TBC1D14: variants seen among roughly 807,000 people sequenced by gnomAD.
The protein encoded by TBC1D14 is TBC1 domain family, member 14.
TBC1D14 carries 26 observed loss-of-function variants against 79.0 expected under a neutral mutation model. That is an observed-to-expected ratio of 0.33 (90% CI 0.24 to 0.46). The LOEUF (loss-of-function observed/expected upper bound fraction) is 0.46. Among genes scored for constraint, TBC1D14 ranks in the 20% least tolerant of loss-of-function variants. TBC1D14 has a pLI of 1.00. For missense variants in TBC1D14, 769 were observed against 887.6 expected, an observed-to-expected ratio of 0.87 and a Z score of 1.70; for synonymous variants, 394 against 349.9, an observed-to-expected ratio of 1.13 and a Z score of -1.40.
At chr4:6,989,904 G>A (rs1025413428) in intron 3 of TBC1D14, among the ~76,000 whole-genome samples, 1 of 152,148 alleles carries the variant, frequency 6.6e-6, no homozygotes, top group African/African-American at 2.4e-5. Context: ...CTTTCCCAGC[G>A]TGATTCCTTA....
chr4:6,923,194 T>A (rs1476458808), intron 1 of TBC1D14, among the ~76,000 whole-genome samples, 179 bp from the exon 2 acceptor site: 4 of 152,128 alleles, frequency 2.6e-5, no homozygotes, highest in Admixed American at 2.0e-4. Flanking sequence ...AGAGCGAGAG[T>A]CTGTGTCAAA....
In TBC1D14 at chr4:6,923,915, G is replaced by A; in HGVS notation, c.526G>A (p.Asp176Asn). 6.2e-7 allele frequency: 1 copy of A among 1,614,184 alleles called. No individual in the cohort carries two copies. Among genetic ancestry groups the A allele is most frequent in the East Asian group, 2.2e-5 (1 of 44,892 alleles). ...LSTTLSVSNE[D>N]ILDLVVTSSS... ...CACCACGCTGTCCGTCAGCAATGAGGACATCTTGGACCTTGTGGTCACGAG... is the reference window on the plus strand; with the variant it reads ...CACCACGCTGTCCGTCAGCAATGAGAACATCTTGGACCTTGTGGTCACGAG... Residue 176 changes from aspartate to asparagine, a missense_variant, in exon 2 of 14, where the codon GAC becomes AAC. Physicochemically the swap from Asp to Asn is conservative, Grantham distance 23. This residue lies in a region of TBC1D14 where 402 missense variants were observed against 393.2 expected (regional missense o/e 1.02). Coordinates refer to ENST00000409757, the MANE Select transcript of TBC1D14 (RefSeq NM_020773.3).
chr4:6,943,950 A>G (rs1300423390), intron 2 of TBC1D14, among the ~76,000 whole-genome samples: 2 of 152,158 alleles, frequency 1.3e-5, no homozygotes, highest in Non-Finnish European at 2.9e-5. Context: ...GGTCTCCCAT[A>G]TGGGGTCACA....
intron 5 of TBC1D14, among the ~76,000 whole-genome samples, chr4:6,996,847 CTG>C (rs1057308756): frequency 1.3e-5 from 2 of 152,216 alleles, no homozygotes; most frequent in African/African-American, 2.4e-5. Flanking sequence ...AGAAAAGTGA[CTG>C]TGTAAGATAG....
Position 6,924,074 on chromosome 4 carries a change from T to A in TBC1D14, c.685T>A (p.Leu229Met). 20 of 1,613,524 alleles carry A rather than the reference T, an allele frequency of 1.2e-5. No homozygotes were observed. The highest frequency in any genetic ancestry group is 1.7e-5 in the Non-Finnish European group (20 of 1,179,916). ...TCATGAAGCTGAGGAGGGGAGTAAA[T>A]TGAAAATATTGGGGCCATTTAGTAA... ...CVHEAEEGSK[L>M]KILGPFSNFF... The change falls in exon 2 of 14, where the codon TTG (leucine) becomes ATG (methionine). Residue 229 changes from leucine to methionine, a missense_variant. By Grantham distance (15) the Leu-to-Met change is conservative. This residue lies in a region of TBC1D14 where 402 missense variants were observed against 393.2 expected (regional missense o/e 1.02). Coordinates refer to ENST00000409757, the MANE Select transcript of TBC1D14 (RefSeq NM_020773.3).
At chr4:6,915,156 G>A (rs1267668084) in intron 1 of TBC1D14, among the ~76,000 whole-genome samples, 1 of 152,236 alleles carries the variant, frequency 6.6e-6, no homozygotes, top group East Asian at 1.9e-4. Flanking sequence ...TGGCATTAGA[G>A]GCTCGACTGG....
chr4:6,922,560 A>G (rs544302391), intron 1 of TBC1D14, among the ~76,000 whole-genome samples: 1 of 152,290 alleles, frequency 6.6e-6, no homozygotes, highest in African/African-American at 2.4e-5. Flanking sequence ...TGACTGAAAC[A>G]TTTGTGGAGA....
intron 3 of TBC1D14, among the ~76,000 whole-genome samples, chr4:6,971,425 C>T (rs1208256118): frequency 1.3e-5 from 2 of 152,200 alleles, no homozygotes; most frequent in South Asian, 2.1e-4. Flanking sequence ...CCCAGTACAT[C>T]GGATTTTATT....
intron 12 of TBC1D14, 125 bp from the exon 13 acceptor site, chr4:7,024,879 C>T (rs1180327349): frequency 1.5e-6 from 2 of 1,328,138 alleles, no homozygotes; most frequent in African/African-American, 2.9e-5. Flanking sequence ...AGGCCTGGCC[C>T]TGGCCCCAGC....
At chr4:6,926,728 A>T (rs549145326) in intron 2 of TBC1D14, among the ~76,000 whole-genome samples, 4 of 152,224 alleles carry the variant, frequency 2.6e-5, no homozygotes, top group Non-Finnish European at 5.9e-5. Flanking sequence ...AGAGCTCACT[A>T]AACATTTTAC....
intron 2 of TBC1D14, among the ~76,000 whole-genome samples, chr4:6,928,450 T>C (rs887499017): frequency 6.6e-6 from 1 of 152,214 alleles, no homozygotes; most frequent in African/African-American, 2.4e-5. Flanking sequence ...GCCATTTTTG[T>C]ACTGTGTGAT....
chr4:6,987,391 G>T (rs774788897), intron 3 of TBC1D14: 1 of 1,394,590 alleles, frequency 7.2e-7, no homozygotes, highest in Non-Finnish European at 9.4e-7. Context: ...TGCGCCCCAG[G>T]CCTGCCCGGT....
chr4:7,011,303 G>C (rs1195095237), intron 11 of TBC1D14, among the ~76,000 whole-genome samples: 1 of 148,642 alleles, frequency 6.7e-6, no homozygotes, highest in East Asian at 2.1e-4. Flanking sequence ...TTATGACACT[G>C]CGTAAGTGGG....
chr4:6,989,980 GA>G (rs1718322172), intron 3 of TBC1D14, among the ~76,000 whole-genome samples: 1 of 152,160 alleles, frequency 6.6e-6, no homozygotes, highest in African/African-American at 2.4e-5. Context: ...AAACTTTTTT[GA>G]AATTATCCCC....
chr4:6,933,606 C>T (rs576079455), intron 2 of TBC1D14, among the ~76,000 whole-genome samples: 1 of 152,210 alleles, frequency 6.6e-6, no homozygotes, highest in Non-Finnish European at 1.5e-5. Flanking sequence ...CTGTGCCTGG[C>T]CTACCTCTGT....
chr4:6,943,576 G>T (rs987621600), intron 2 of TBC1D14, among the ~76,000 whole-genome samples: 1 of 152,080 alleles, frequency 6.6e-6, no homozygotes, highest in African/African-American at 2.4e-5. Context: ...TGCCTCTCCC[G>T]GGCAAATTCT....
At chr4:6,969,804 C>T (rs1253130326) in intron 3 of TBC1D14, among the ~76,000 whole-genome samples, 1 of 151,786 alleles carries the variant, frequency 6.6e-6, no homozygotes, top group African/African-American at 2.4e-5. Context: ...GTTCATTATG[C>T]GGTAACACAA....
chr4:6,916,158 G>A (rs950069252), intron 1 of TBC1D14, among the ~76,000 whole-genome samples: 1 of 151,732 alleles, frequency 6.6e-6, no homozygotes, highest in African/African-American at 2.4e-5. Context: ...TAAGAATCCG[G>A]AAGTCAGTGG....
At chr4:6,924,255 C>T in intron 2 of TBC1D14, 144 bp downstream of exon 2, 3 of 1,014,062 alleles carry the variant, frequency 3.0e-6, no homozygotes, top group Non-Finnish European at 4.0e-6. Context: ...TCCCAGAAGC[C>T]CGGAATCCTG....
Sources: allele counts gnomAD v4.1 joint callset (sites outside exome capture counted in the v4.1 genomes callset), GRCh38; gene constraint gnomAD v4.1.1; regional missense constraint gnomAD v4.1.1; transcripts MANE v1.5; gene names NCBI Gene and HGNC (gene_info 2026-07-23, HGNC 2026-07-21).